DNAH14: variants seen among roughly 807,000 people sequenced by gnomAD.
DNAH14 encodes the protein axonemal beta dynein heavy chain 14.
In DNAH14, 478 loss-of-function variants were observed where a neutral mutation model predicts 520.9. The ratio of observed to expected loss-of-function variants is 0.92; its 90% confidence interval spans 0.85 to 0.99. DNAH14 has a LOEUF of 0.99. Ranked by LOEUF, DNAH14 falls within the 50% of genes least tolerant of loss-of-function variation. The pLI is 0.00. For missense variants in DNAH14, 4,831 were observed against 5,234.5 expected, an observed-to-expected ratio of 0.92 and a Z score of 2.38; for synonymous variants, 1,581 against 1,757.2, an observed-to-expected ratio of 0.90 and a Z score of 2.51.
Position 225,272,935 on chromosome 1 carries a change from T to A in DNAH14, c.7840-20T>A, listed in dbSNP as rs2093353022. 1 of 1,502,856 alleles carries A rather than the reference T, an allele frequency of 6.7e-7. No homozygotes were observed. Among genetic ancestry groups the A allele is most frequent in the Non-Finnish European group, 8.8e-7 (1 of 1,130,750 alleles). 93.1% of individuals were successfully genotyped at this position (1,502,856 alleles called of 1,614,324 possible). Reference sequence around the variant, plus strand: ...CTGCTAATTTTTTTTAAAAAAACGTTATTTTTAAATCCCTAACAGCTTCTC... The same window carrying A: ...CTGCTAATTTTTTTTAAAAAAACGTAATTTTTAAATCCCTAACAGCTTCTC... On this transcript the variant is annotated intron_variant, in intron 51 of 85. Transcript: ENST00000682510.
chr1:225,244,415 T>G (rs560767692), intron 43 of DNAH14, among the ~76,000 whole-genome samples: 1 of 152,308 alleles, frequency 6.6e-6, no homozygotes, highest in East Asian at 1.9e-4. Context: ...TGGAATAGTT[T>G]CAGAAGGAAT....
chr1:225,125,471 T>A (rs1023589892), intron 27 of DNAH14, among the ~76,000 whole-genome samples: 1 of 152,234 alleles, frequency 6.6e-6, no homozygotes, highest in East Asian at 1.9e-4. Context: ...ACCTTTGCAC[T>A]TTTACATTAC....
intron 41 of DNAH14, among the ~76,000 whole-genome samples, chr1:225,230,089 A>C (rs1240000833): frequency 6.6e-6 from 1 of 152,108 alleles, no homozygotes; most frequent in Admixed American, 6.6e-5. Context: ...CTGGTCTACT[A>C]TCCTTTATTC....
chr1:225,277,224 C>T (rs558922681), intron 53 of DNAH14, among the ~76,000 whole-genome samples, 186 bp from the exon 54 acceptor site: 1 of 152,000 alleles, frequency 6.6e-6, no homozygotes, highest in South Asian at 2.1e-4. Context: ...AGAACATTAG[C>T]ATAGGGACAA....
intron 81 of DNAH14, among the ~76,000 whole-genome samples, chr1:225,384,293 G>A (rs139462334): frequency 2.6e-5 from 4 of 152,262 alleles, no homozygotes; most frequent in Non-Finnish European, 4.4e-5. Flanking sequence ...GGATATCCTT[G>A]TTAACTTTCT....
chr1:225,381,458 T>C lies in DNAH14; in HGVS notation c.12956T>C (p.Phe4319Ser). The change falls in exon 81 of 86, where the codon TTT becomes TCT. Residue 4319 changes from phenylalanine to serine, a missense_variant. Phe to Ser is a radical substitution (Grantham distance 155). Coordinates refer to ENST00000682510, the MANE Select transcript of DNAH14 (RefSeq NM_001367479.1). ...ATTAAACGATTTGATAAGTTATTATTTGTCATACATAAATCCTTAAAAGAT... is the reference window on the plus strand; with the variant it reads ...ATTAAACGATTTGATAAGTTATTATCTGTCATACATAAATCCTTAAAAGAT... ...QEIKRFDKLL[F>S]VIHKSLKDLQ... 2 of 1,550,668 alleles carry C rather than the reference T, an allele frequency of 1.3e-6. No homozygotes were observed. Among genetic ancestry groups the C allele is most frequent in the African/African-American group, 1.4e-5 (1 of 73,106 alleles).
intron 17 of DNAH14, among the ~76,000 whole-genome samples, chr1:225,073,330 T>C (rs2071784677): frequency 1.3e-5 from 2 of 152,238 alleles, no homozygotes; most frequent in Admixed American, 6.5e-5. Context: ...GATGGCAGCC[T>C]GCCCCTCCCT....
Position 225,117,882 on chromosome 1 carries a change from C to T in DNAH14, c.3974C>T (p.Pro1325Leu), listed in dbSNP as rs1016836178. 10 of 1,538,688 alleles carry T rather than the reference C, an allele frequency of 6.5e-6. No homozygotes were observed. In the Admixed American group the frequency reaches 2.0e-4, roughly 30 times the overall value. Residue 1325 changes from proline to leucine, a missense_variant and splice_region_variant, in exon 25 of 86, where the codon CCT (proline) becomes CTT (leucine). By Grantham distance (98) the Pro-to-Leu change is moderately conservative (BLOSUM62 -3). Transcript: ENST00000682510. ...ADSRNPESVQ[P>L]HLVKCFENIK... ...CTGACATTTGTTTCTGGTTCACAGC[C>T]TCATCTTGTGAAATGCTTTGAAAAT... is the stretch of plus-strand genomic sequence containing the variant.
At chr1:225,326,696 A>T (rs1198244668) in intron 64 of DNAH14, among the ~76,000 whole-genome samples, 1 of 152,188 alleles carries the variant, frequency 6.6e-6, no homozygotes. Flanking sequence ...CAATTTGGAA[A>T]AACAGGGCAT....
chr1:225,303,495 C>A, intron 57 of DNAH14, 148 bp downstream of exon 57: 1 of 661,328 alleles, frequency 1.5e-6, no homozygotes, highest in African/African-American at 1.8e-5. Context: ...ACAATGACTC[C>A]CTATTAATTC....
At chr1:224,953,031 G>T in intron 2 of DNAH14, 1 of 260,020 alleles carries the variant, frequency 3.8e-6, no homozygotes, top group Non-Finnish European at 7.4e-6. Flanking sequence ...GAGGTTGTTG[G>T]ATATGAGAAA....
intron 1 of DNAH14, among the ~76,000 whole-genome samples, chr1:224,937,161 C>T (rs1292806477): frequency 3.5e-5 from 5 of 144,374 alleles, no homozygotes; most frequent in African/African-American, 1.4e-4. Flanking sequence ...GACAAATATA[C>T]CCACTTTGCC....
chr1:225,141,160 C>A (rs896995717), intron 28 of DNAH14, 139 bp downstream of exon 28: 44 of 799,366 alleles, frequency 5.5e-5, no homozygotes, highest in Non-Finnish European at 8.1e-5. Flanking sequence ...CAAACTGTAC[C>A]AATCTGAGTA....
chr1:225,335,979 G>GCGTATATGTACATATA, intron 66 of DNAH14, among the ~76,000 whole-genome samples: 1 of 140,000 alleles, frequency 7.1e-6, no homozygotes, highest in African/African-American at 2.6e-5. Flanking sequence ...ATGTACATAT[G>GCGTATATGTACATATA]TGTATATACA....
chr1:225,141,131 G>GCTTTA (rs1404062367), intron 28 of DNAH14, 110 bp downstream of exon 28: 72 of 1,106,850 alleles, frequency 6.5e-5, no homozygotes, highest in Non-Finnish European at 8.4e-5. Context: ...AATTTTGGGG[G>GCTTTA]CTTTACCAAA....
chr1:225,335,895 A>T lies in DNAH14; in HGVS notation c.10081-1371A>T, dbSNP rs200955286. On this transcript the variant is annotated intron_variant, in intron 66 of 85. Coordinates refer to ENST00000682510, the MANE Select transcript of DNAH14 (RefSeq NM_001367479.1). ...CACATATACATATATGTACATATAC[A>T]TACATATATGCATGTATGTATATAT... Among the ~76,000 whole-genome samples, 9 of 104,874 alleles carry T rather than the reference A, an allele frequency of 8.6e-5. 1 individual carries two copies. The highest frequency in any genetic ancestry group is 1.7e-4 in the Admixed American group (2 of 11,620). The allele number at this position is 104,874 out of a possible 152,430, so 68.8% of individuals were successfully genotyped here.
chr1:225,051,707 A>T lies in DNAH14; in HGVS notation c.2336A>T (p.Glu779Val). Residue 779 changes from glutamate to valine, a missense_variant, in exon 17 of 86, where the codon GAA becomes GTA. Transcript: ENST00000682510. The part of the protein sequence containing the change: ...FNVVSLDYQS[E>V]CLLYIDNVIH... The stretch of plus-strand genomic sequence containing the variant: ...GTTGTAAGTCTTGATTATCAATCAG[A>T]ATGCTTACTGTATATTGACAACGTC... The T allele has an allele frequency of 6.4e-7, 1 of 1,551,286 alleles. No individual in the cohort carries two copies. Among genetic ancestry groups the T allele is most frequent in the Non-Finnish European group, 8.7e-7 (1 of 1,146,740 alleles).
rs564489750 is a variant in DNAH14, at chr1:225,034,991, CCTCT to C, written c.1359-3700_1359-3697del. On this transcript the variant is annotated intron_variant, in intron 11 of 85. Coordinates refer to ENST00000682510, the MANE Select transcript of DNAH14 (RefSeq NM_001367479.1). ...TCTTCTTGATTAGTGTAGCTAGTAG[CCTCT>C]CTATTTTATTAATTTTTTCAAAAAC... 6.9e-4 allele frequency among the ~76,000 whole-genome samples: 105 copies of C among 151,748 alleles called. 1 individual carries two copies. The South Asian group carries it at 0.02, about 29-fold the overall frequency.
chr1:225,364,920 A>G (rs1451058403), intron 76 of DNAH14, 26 bp downstream of exon 76: 1 of 1,485,262 alleles, frequency 6.7e-7, no homozygotes, highest in Non-Finnish European at 9.1e-7. Flanking sequence ...AACAGATTTA[A>G]TGTTGACTGA....
Sources: allele counts gnomAD v4.1 joint callset (sites outside exome capture counted in the v4.1 genomes callset), GRCh38; gene constraint gnomAD v4.1.1; transcripts MANE v1.5; gene names NCBI Gene and HGNC (gene_info 2026-07-23, HGNC 2026-07-21).